The following PPIG variants were observed in gnomAD, a reference collection of about 807,000 sequenced individuals.
PPIG encodes peptidyl-prolyl cis-trans isomerase G.
PPIG carries 26 observed loss-of-function variants against 87.9 expected under a neutral mutation model. That is an observed-to-expected ratio of 0.30 (90% CI 0.22 to 0.41). PPIG has a LOEUF of 0.41. Among genes scored for constraint, PPIG ranks in the 10% least tolerant of loss-of-function variants. The pLI, the probability that PPIG is intolerant of heterozygous loss-of-function variation, is 1.00. For synonymous variants in PPIG, 308 were observed against 276.5 expected (o/e 1.11, Z -1.13); for missense variants, 722 against 879.4 (o/e 0.82, Z 2.26).
intron 7 of PPIG, among the ~76,000 whole-genome samples, chr2:169,609,915 G>T (rs953498468): frequency 1.3e-5 from 2 of 152,150 alleles, no homozygotes; most frequent in African/African-American, 4.8e-5. Context: ...AATGCAGTCA[G>T]TTCTCACTAT....
intron 9 of PPIG, among the ~76,000 whole-genome samples, chr2:169,615,323 A>G (rs879762827): frequency 4.6e-5 from 7 of 152,236 alleles, no homozygotes; most frequent in Non-Finnish European, 7.3e-5. Context: ...CTGGGATTAC[A>G]GGTGTGAGCC....
rs1684938857 is a variant in PPIG, at chr2:169,593,800, C to G, written c.-70+9310C>G. Among the ~76,000 whole-genome samples, 3 of 146,028 alleles carry G rather than the reference C, an allele frequency of 2.1e-5. No individual in the cohort carries two copies. The South Asian group carries it at 7.0e-4, about 34-fold the overall frequency. On this transcript the variant is annotated intron_variant, in intron 1 of 13. Coordinates refer to ENST00000260970, the MANE Select transcript of PPIG (RefSeq NM_004792.3). Reference sequence around the variant, plus strand: ...CAGGTGGGACTACAGGCGCCCGCCACCATGCCCGGCTAATTTTTTTTTTTT... The same window carrying G: ...CAGGTGGGACTACAGGCGCCCGCCAGCATGCCCGGCTAATTTTTTTTTTTT...
chr2:169,628,606 T>C (rs1685956056), intron 9 of PPIG, among the ~76,000 whole-genome samples: 1 of 151,924 alleles, frequency 6.6e-6, no homozygotes, highest in Admixed American at 6.6e-5. Flanking sequence ...AGCCCAGGAG[T>C]TTGAGGCCAG....
chr2:169,604,303 G>T, intron 4 of PPIG, 42 bp downstream of exon 4: 5 of 743,102 alleles, frequency 6.7e-6, no homozygotes, highest in East Asian at 3.8e-5. Flanking sequence ...AGTCTCAGTT[G>T]ACTATGGCTT....
In PPIG at chr2:169,620,944, A is replaced by G. The variant is rs183009229; in HGVS notation, c.547+6220A>G. 4.6e-5 allele frequency among the ~76,000 whole-genome samples: 7 copies of G among 152,260 alleles called. No individual in the cohort carries two copies. In the East Asian group the frequency reaches 1.4e-3, roughly 29 times the overall value. ...GTAATTAGTTTCTTAGAGTTAGCAC[A>G]TGTGAGAGTCATCTGTAATGCTTTC... On this transcript the variant is annotated intron_variant, in intron 9 of 13. Coordinates refer to ENST00000260970, the MANE Select transcript of PPIG (RefSeq NM_004792.3).
At chr2:169,591,920 A>ATTTTTTTTTTTTTTTTTTTTTTTTTTT (rs3067016) in intron 1 of PPIG, among the ~76,000 whole-genome samples, 2 of 87,410 alleles carry the variant, frequency 2.3e-5, no homozygotes, top group Non-Finnish European at 4.1e-5. Context: ...GCAATTCATG[A>ATTTTTTTTTTTTTTTTTTTTTTTTTTT]TTTTTTTTTT....
intron 1 of PPIG, among the ~76,000 whole-genome samples, chr2:169,588,958 C>CAAAA (rs549776875): frequency 1.9e-4 from 13 of 68,386 alleles, no homozygotes; most frequent in Admixed American, 4.4e-4. Flanking sequence ...AACTCCCTCT[C>CAAAA]AAAAAAAAAA....
rs970890525 is a variant in PPIG, at chr2:169,639,591, A to C, written c.*2068A>C. 7.9e-5 allele frequency: 12 copies of C among 152,136 alleles called. No homozygotes were observed. Among genetic ancestry groups the C allele is most frequent in the Non-Finnish European group, 1.8e-4 (12 of 67,980 alleles). The allele number at this position is 152,136 out of a possible 1,614,324, so 9.4% of individuals were successfully genotyped here. A position where few individuals can be genotyped will look rare whatever the true frequency, so the allele number is the denominator to read the frequency against. ...AATATTCTGTTTGGGTTATCAAAAGAGCAACTCCATGCTCCGCATTATTTA... is the reference window on the plus strand; with the variant it reads ...AATATTCTGTTTGGGTTATCAAAAGCGCAACTCCATGCTCCGCATTATTTA... On this transcript the variant is annotated 3_prime_UTR_variant, in exon 14 of 14. Transcript: ENST00000260970.
At chr2:169,618,025 C>T (rs1467208605) in intron 9 of PPIG, among the ~76,000 whole-genome samples, 5 of 152,128 alleles carry the variant, frequency 3.3e-5, no homozygotes, top group Non-Finnish European at 7.4e-5. Flanking sequence ...GAGATGTGTT[C>T]CCTCAATACC....
chr2:169,639,467 C>G lies in PPIG; in HGVS notation c.*1944C>G, dbSNP rs983849019. On this transcript the variant is annotated 3_prime_UTR_variant, in exon 14 of 14. Coordinates refer to ENST00000260970, the MANE Select transcript of PPIG (RefSeq NM_004792.3). ...AAAAATTCTTACATGTTGTCTGATC[C>G]CAGAGCTTTATCTACTAAAAATTAT... 1.3e-5 allele frequency: 2 copies of G among 151,738 alleles called. No individual in the cohort carries two copies. The highest frequency in any genetic ancestry group is 2.4e-5 in the African/African-American group (1 of 41,328). 9.4% of individuals were successfully genotyped at this position (151,738 alleles called of 1,614,324 possible).
chr2:169,613,006 T>A (rs1685530552), intron 7 of PPIG, among the ~76,000 whole-genome samples: 1 of 152,218 alleles, frequency 6.6e-6, no homozygotes, highest in Non-Finnish European at 1.5e-5. Context: ...CACACTTATT[T>A]GCCACACTAT....
At chr2:169,613,642 A>T (rs1685545771) in intron 7 of PPIG, among the ~76,000 whole-genome samples, 2 of 152,112 alleles carry the variant, frequency 1.3e-5, no homozygotes, top group Admixed American at 1.3e-4. Context: ...AAAACTTGTA[A>T]ACTCTCAGCG....
intron 1 of PPIG, among the ~76,000 whole-genome samples, chr2:169,588,878 G>T (rs1181658942): frequency 1.4e-5 from 2 of 140,218 alleles, no homozygotes; most frequent in Non-Finnish European, 3.0e-5. Context: ...AGAATCGCTT[G>T]AACCCAGGAG....
chr2:169,606,551 C>G (rs1385075430), intron 5 of PPIG, among the ~76,000 whole-genome samples: 1 of 139,046 alleles, frequency 7.2e-6, no homozygotes, highest in Non-Finnish European at 1.5e-5. Flanking sequence ...GAGATTGTGC[C>G]ACTGCACTCC....
At chr2:169,591,585 A>T (rs952226463) in intron 1 of PPIG, among the ~76,000 whole-genome samples, 3 of 152,168 alleles carry the variant, frequency 2.0e-5, no homozygotes, top group African/African-American at 7.2e-5. Context: ...AAAAAAGTAG[A>T]TTCAGTATAT....
intron 1 of PPIG, among the ~76,000 whole-genome samples, chr2:169,594,322 G>GGC (rs1267026873): frequency 7.4e-5 from 3 of 40,560 alleles, no homozygotes; most frequent in African/African-American, 1.7e-4. Context: ...GCTGTTGATA[G>GGC]GCAAAAAAAA....
Position 169,640,158 on chromosome 2 carries a change from C to G in PPIG, c.*2635C>G, listed in dbSNP as rs1235583332. 1 of 152,126 alleles carries G rather than the reference C, an allele frequency of 6.6e-6. No individual in the cohort carries two copies. The highest frequency in any genetic ancestry group is 6.6e-5 in the Admixed American group (1 of 15,256). 9.4% of individuals were successfully genotyped at this position (152,126 alleles called of 1,614,324 possible). A position where few individuals can be genotyped will look rare whatever the true frequency, so the allele number is the denominator to read the frequency against. ...TTTAAAACATTCTTTGATTAAATTA[C>G]TACATAGTTGGTAAGTTCATAGTTT... On this transcript the variant is annotated 3_prime_UTR_variant, in exon 14 of 14. Transcript: ENST00000260970.
intron 1 of PPIG, among the ~76,000 whole-genome samples, chr2:169,590,681 G>A (rs1037390783): frequency 3.3e-5 from 5 of 152,030 alleles, no homozygotes; most frequent in Non-Finnish European, 7.4e-5. Flanking sequence ...GAGAGTCAGC[G>A]TGAAGTTCCC....
intron 12 of PPIG, among the ~76,000 whole-genome samples, chr2:169,635,236 G>GATCTTAGGGTAAATCCAAA (rs1558903100): frequency 6.6e-6 from 1 of 151,934 alleles, no homozygotes; most frequent in Non-Finnish European, 1.5e-5. Flanking sequence ...CTTTACCATT[G>GATCTTAGGGTAAATCCAAA]ATCTTAGGGT....
Sources: allele counts gnomAD v4.1 joint callset (sites outside exome capture counted in the v4.1 genomes callset), GRCh38; gene constraint gnomAD v4.1.1; transcripts MANE v1.5; gene names NCBI Gene and HGNC (gene_info 2026-07-23, HGNC 2026-07-21).